Variants in SMARCAD1 observed in about 807,000 individuals in gnomAD.
SMARCAD1 encodes the protein SNF2 related chromatin remodeling ATPase with DExD box 1.
A neutral mutation model predicts 127.1 loss-of-function variants in SMARCAD1; 25 were observed. The observed-to-expected ratio is 0.20, with a 90% CI of 0.14 to 0.27. The LOEUF (loss-of-function observed/expected upper bound fraction) is 0.27, where lower values mean the gene tolerates loss of function less well. SMARCAD1 is among the 10% of genes least tolerant of loss of function. The probability of loss-of-function intolerance (pLI) is 1.00; values close to 1 mark genes in which losing one functional copy is unlikely to be tolerated. For synonymous variants in SMARCAD1, 400 were observed against 396.9 expected (o/e 1.01, Z -0.09); for missense variants, 807 against 1,206.0 (o/e 0.67, Z 4.90).
At chr4:94,215,013 C>G (rs7654919) in intron 2 of SMARCAD1, among the ~76,000 whole-genome samples, 1 of 151,868 alleles carries the variant, frequency 6.6e-6, no homozygotes, top group Non-Finnish European at 1.5e-5. Context: ...TTACAGTCTT[C>G]TCCTGGCTTT....
At chr4:94,208,657 A>C in intron 2 of SMARCAD1, 73 bp downstream of exon 2, 132 of 1,383,822 alleles carry the variant, frequency 9.5e-5, no homozygotes, top group Non-Finnish European at 1.2e-4. Flanking sequence ...AGGGATTCTC[A>C]TTTTTATTCT....
chr4:94,269,838 T>A (rs912454018), intron 10 of SMARCAD1, among the ~76,000 whole-genome samples: 1 of 151,894 alleles, frequency 6.6e-6, no homozygotes, highest in Admixed American at 6.6e-5. Context: ...CTGGCTAATT[T>A]TTTTTGTATT....
At chr4:94,260,616 G>GT in intron 9 of SMARCAD1, among the ~76,000 whole-genome samples, 1 of 152,274 alleles carries the variant, frequency 6.6e-6, no homozygotes, top group Middle Eastern at 3.4e-3. Context: ...GATTACAGGC[G>GT]TGAGCCACCA....
At chr4:94,236,914 T>C (rs1377983480) in intron 4 of SMARCAD1, 38 bp from the exon 5 acceptor site, 5 of 1,486,848 alleles carry the variant, frequency 3.4e-6, no homozygotes, top group Non-Finnish European at 3.8e-6. Flanking sequence ...ATTCTTAAAG[T>C]GCTGATTTAA....
At chr4:94,281,676 T>C (rs1183987499) in intron 21 of SMARCAD1, 86 bp downstream of exon 21, 6 of 913,804 alleles carry the variant, frequency 6.6e-6, no homozygotes, top group African/African-American at 1.7e-5. Context: ...CAATTGATAG[T>C]ATTTTGTTGT....
intron 8 of SMARCAD1, among the ~76,000 whole-genome samples, chr4:94,251,249 G>A (rs1749231929): frequency 1.3e-5 from 2 of 152,092 alleles, no homozygotes; most frequent in South Asian, 2.1e-4. Flanking sequence ...AAACTTAAGG[G>A]TATCATAGGC....
chr4:94,211,478 ACTTCTTTATCAT>A (rs760568508), intron 2 of SMARCAD1, among the ~76,000 whole-genome samples: 1 of 152,166 alleles, frequency 6.6e-6, no homozygotes, highest in Non-Finnish European at 1.5e-5. Context: ...TATTGACCTT[ACTTCTTTATCAT>A]GTGGTAACTT....
Position 94,237,032 on chromosome 4 carries a change from A to G in SMARCAD1, c.604+14A>G, listed in dbSNP as rs1427943691. On this transcript the variant is annotated intron_variant, in intron 5 of 23. Transcript: ENST00000354268. ...TTGGTGATGCAGGTATGCTTGACTT[A>G]ATTTTAAGCCATGTCGATTTATTGT... 21 of 1,609,370 alleles carry G rather than the reference A, an allele frequency of 1.3e-5. No individual in the cohort carries two copies. The highest frequency in any genetic ancestry group is 1.8e-5 in the Non-Finnish European group (21 of 1,176,394).
At chr4:94,221,674 A>G (rs753598840) in intron 2 of SMARCAD1, among the ~76,000 whole-genome samples, 2 of 152,206 alleles carry the variant, frequency 1.3e-5, no homozygotes, top group African/African-American at 2.4e-5. Flanking sequence ...GCTTGGATAT[A>G]TAGTTTTCAT....
chr4:94,273,802 G>A (rs545331100), intron 12 of SMARCAD1, 86 bp downstream of exon 12: 9 of 1,037,832 alleles, frequency 8.7e-6, no homozygotes, highest in South Asian at 6.8e-5. Context: ...TGTGTCGGAG[G>A]GGTGTTGTGG....
At chr4:94,218,992 A>G (rs1200134069) in intron 2 of SMARCAD1, among the ~76,000 whole-genome samples, 2 of 151,442 alleles carry the variant, frequency 1.3e-5, no homozygotes, top group Non-Finnish European at 2.9e-5. Flanking sequence ...TTGTGTTTTT[A>G]GTAGGGACAG....
intron 6 of SMARCAD1, among the ~76,000 whole-genome samples, chr4:94,244,061 C>A (rs1420695489): frequency 2.6e-5 from 4 of 152,098 alleles, no homozygotes; most frequent in African/African-American, 9.7e-5. Context: ...TATGGCTGGA[C>A]CAGGTTCGAG....
intron 10 of SMARCAD1, among the ~76,000 whole-genome samples, chr4:94,265,997 G>GA (rs200993447): frequency 9.4e-5 from 14 of 149,304 alleles, no homozygotes; most frequent in Admixed American, 2.0e-4. Flanking sequence ...TCAAGGTATG[G>GA]AAAAAAAAAC....
At chr4:94,275,802 T>TTTATTTTA (rs1553920718) in intron 14 of SMARCAD1, among the ~76,000 whole-genome samples, 2 of 144,654 alleles carry the variant, frequency 1.4e-5, no homozygotes, top group East Asian at 2.0e-4. Context: ...TTTTCTTTTT[T>TTTATTTTA]TTTTTTTTTT....
intron 3 of SMARCAD1, among the ~76,000 whole-genome samples, chr4:94,229,060 T>C (rs796488181): frequency 1.2e-4 from 18 of 152,254 alleles, no homozygotes; most frequent in African/African-American, 4.1e-4. Context: ...ACACATGATA[T>C]CCATTTGTCC....
intron 2 of SMARCAD1, among the ~76,000 whole-genome samples, chr4:94,223,297 A>G (rs1326543493): frequency 1.3e-5 from 2 of 152,068 alleles, no homozygotes; most frequent in African/African-American, 4.8e-5. Flanking sequence ...GTTTGAGACC[A>G]GCCTGGCAGA....
chr4:94,281,092 A>G (rs1412106668), intron 20 of SMARCAD1, among the ~76,000 whole-genome samples: 1 of 152,196 alleles, frequency 6.6e-6, no homozygotes, highest in African/African-American at 2.4e-5. Flanking sequence ...ACTATTTGTT[A>G]GTTATTTAAG....
chr4:94,265,016 G>A, intron 10 of SMARCAD1, 110 bp downstream of exon 10: 4 of 1,041,320 alleles, frequency 3.8e-6, no homozygotes, highest in Non-Finnish European at 5.7e-6. Context: ...TGGTAGGAGA[G>A]AACCCCCAGG....
rs373519542 is a variant in SMARCAD1 at position 94,222,728 on chromosome 4, C to T, written c.191-3391C>T. 1.0e-3 allele frequency among the ~76,000 whole-genome samples: 158 copies of T among 152,098 alleles called. 1 individual carries two copies. In the East Asian group the frequency reaches 0.02, roughly 20 times the overall value. ...CTGTAATCCCAACATTTCAGGAGGC[C>T]GAGGCAGGTGGATCACCTGATGTCA... On this transcript the variant is annotated intron_variant, in intron 2 of 23. Coordinates refer to ENST00000354268, the MANE Select transcript of SMARCAD1 (RefSeq NM_020159.5).
Sources: gnomAD v4.1 joint callset for allele counts (sites outside exome capture counted in the v4.1 genomes callset) on GRCh38, gnomAD v4.1.1 for gene constraint, MANE v1.5 for transcripts, NCBI Gene and HGNC (gene_info 2026-07-23, HGNC 2026-07-21) for gene names.